PLXDC2: variants seen among roughly 807,000 people sequenced by gnomAD.
The protein encoded by PLXDC2 is plexin domain-containing protein 2.
In PLXDC2, 40 loss-of-function variants were observed where a neutral mutation model predicts 68.9. The observed-to-expected ratio is 0.58, with a 90% confidence interval of 0.45 to 0.76. PLXDC2 has a LOEUF of 0.76. Among genes scored for constraint, PLXDC2 ranks in the 30% least tolerant of loss-of-function variants. The probability of loss-of-function intolerance (pLI) is 0.00; values close to 1 mark genes in which losing one functional copy is unlikely to be tolerated. For synonymous variants in PLXDC2, 243 were observed against 234.2 expected, an observed-to-expected ratio of 1.04 and a Z score of -0.34; for missense variants, 644 against 661.9, an observed-to-expected ratio of 0.97 and a Z score of 0.30.
rs200694544 is a variant in PLXDC2 at position 20,206,189 on chromosome 10, AG to A, written c.1062-5479del. Among the ~76,000 whole-genome samples the A allele has an allele frequency of 3.9e-3, 593 of 152,280 alleles. 5 individuals are homozygous for A. The highest frequency in any genetic ancestry group is 0.014 in the African/African-American group (569 of 41,556). ...ATGCAATACAATCATTCAAAAAAAAAGAAAAATAACTTATCTAAGATCACAC... is the reference window on the plus strand; with the variant it reads ...ATGCAATACAATCATTCAAAAAAAAAAAAAATAACTTATCTAAGATCACAC... On this transcript the variant is annotated intron_variant, in intron 9 of 13. Coordinates refer to ENST00000377252, the MANE Select transcript of PLXDC2 (RefSeq NM_032812.9).
intron 4 of PLXDC2, among the ~76,000 whole-genome samples, chr10:20,072,411 G>GGAA (rs1564304607): frequency 9.4e-6 from 1 of 106,388 alleles, no homozygotes; most frequent in African/African-American, 5.5e-5. Flanking sequence ...AAGAAAGAAA[G>GGAA]AGGAAAGAAA....
At position 20,211,659 on chromosome 10, in the gene PLXDC2, T is replaced by C. The variant is rs552096898; in HGVS notation, c.1062-10T>C. ...TCCTTTTCTGAACTGCATTGTGGTC[T>C]TCTTTGAAGATGTTCCAGTGGATTT... is the stretch of plus-strand genomic sequence containing the variant. On this transcript the variant is annotated splice_polypyrimidine_tract_variant and intron_variant, in intron 9 of 13. Transcript: ENST00000377252. 10 of 1,612,968 alleles carry C rather than the reference T, an allele frequency of 6.2e-6. 1 individual carries two copies. In the South Asian group the frequency reaches 1.1e-4, roughly 18 times the overall value.
At chr10:19,981,926 C>A (rs1834557849) in intron 1 of PLXDC2, among the ~76,000 whole-genome samples, 1 of 152,212 alleles carries the variant, frequency 6.6e-6, no homozygotes, top group Non-Finnish European at 1.5e-5. Flanking sequence ...GAACCCTAAC[C>A]ATCCAGAAAC....
chr10:20,128,858 C>A (rs1186562746), intron 4 of PLXDC2, among the ~76,000 whole-genome samples: 2 of 152,130 alleles, frequency 1.3e-5, no homozygotes, highest in East Asian at 3.8e-4. Context: ...TGTACCTATA[C>A]CACATTTTCT....
chr10:19,985,586 C>T (rs1183594017), intron 1 of PLXDC2, among the ~76,000 whole-genome samples: 1 of 152,146 alleles, frequency 6.6e-6, no homozygotes, highest in East Asian at 1.9e-4. Flanking sequence ...TAAGTACTTA[C>T]TTTTCTTCTC....
At chr10:20,043,801 ATT>A (rs1362464904) in intron 2 of PLXDC2, among the ~76,000 whole-genome samples, 2 of 152,084 alleles carry the variant, frequency 1.3e-5, no homozygotes, top group African/African-American at 4.8e-5. Context: ...AATTAAATGA[ATT>A]ATTATTTTAC....
At chr10:20,201,049 T>A (rs1834910715) in intron 9 of PLXDC2, among the ~76,000 whole-genome samples, 1 of 151,918 alleles carries the variant, frequency 6.6e-6, no homozygotes, top group Non-Finnish European at 1.5e-5. Context: ...GGAAGGGAAA[T>A]CAGTATATTA....
intron 1 of PLXDC2, among the ~76,000 whole-genome samples, chr10:19,857,871 C>G (rs1247736237): frequency 2.0e-5 from 3 of 152,144 alleles, no homozygotes; most frequent in Non-Finnish European, 4.4e-5. Flanking sequence ...GCAATTGATT[C>G]ATCATCAAAA....
intron 9 of PLXDC2, among the ~76,000 whole-genome samples, chr10:20,210,871 G>A (rs967084776): frequency 5.3e-5 from 8 of 152,122 alleles, no homozygotes; most frequent in Admixed American, 1.3e-4. Flanking sequence ...GCTCACCCAA[G>A]CTTGGTCTCC....
At chr10:20,103,305 A>G (rs1833446624) in intron 4 of PLXDC2, among the ~76,000 whole-genome samples, 1 of 152,218 alleles carries the variant, frequency 6.6e-6, no homozygotes, top group African/African-American at 2.4e-5. Flanking sequence ...ATAATTTTTA[A>G]TACTGTTTTA....
At chr10:20,162,013 A>T (rs1377918613) in intron 6 of PLXDC2, among the ~76,000 whole-genome samples, 1 of 143,710 alleles carries the variant, frequency 7.0e-6, no homozygotes, top group Non-Finnish European at 1.5e-5. Flanking sequence ...CAAGAGTGAA[A>T]CTCTGTCAGA....
chr10:20,074,978 T>C lies in PLXDC2; in HGVS notation c.541+6739T>C, dbSNP rs1836414596. Among the ~76,000 whole-genome samples the C allele has an allele frequency of 2.6e-5, 4 of 152,262 alleles. No homozygotes were observed. In the South Asian group the frequency reaches 8.3e-4, roughly 32 times the overall value. Reference sequence around the variant, plus strand: ...TGAAAGTAAATTCATTCCAACTTGCTTCAATGATTTAAAGTTACAAACTCA... The same window carrying C: ...TGAAAGTAAATTCATTCCAACTTGCCTCAATGATTTAAAGTTACAAACTCA... On this transcript the variant is annotated intron_variant, in intron 4 of 13. Coordinates refer to ENST00000377252, the MANE Select transcript of PLXDC2 (RefSeq NM_032812.9).
chr10:20,163,988 A>G (rs1383352526), intron 6 of PLXDC2, among the ~76,000 whole-genome samples: 1 of 152,216 alleles, frequency 6.6e-6, no homozygotes, highest in East Asian at 1.9e-4. Flanking sequence ...TGTATATTTA[A>G]CAGTGCATTT....
At chr10:19,890,705 T>A (rs559118819) in intron 1 of PLXDC2, among the ~76,000 whole-genome samples, 52 of 74,832 alleles carry the variant, frequency 6.9e-4, no homozygotes, top group East Asian at 2.3e-3. Flanking sequence ...TTTTTTTTTT[T>A]AAATCAAGAA....
At chr10:19,924,703 G>A (rs1201000304) in intron 1 of PLXDC2, among the ~76,000 whole-genome samples, 1 of 152,174 alleles carries the variant, frequency 6.6e-6, no homozygotes, top group African/African-American at 2.4e-5. Flanking sequence ...CTGAAAAGAT[G>A]ACAGATACCT....
At chr10:20,241,925 G>A (rs1368009403) in intron 12 of PLXDC2, among the ~76,000 whole-genome samples, 2 of 152,118 alleles carry the variant, frequency 1.3e-5, no homozygotes, top group Non-Finnish European at 2.9e-5. Flanking sequence ...TCAGACACTG[G>A]ATGGGTGGAT....
intron 6 of PLXDC2, among the ~76,000 whole-genome samples, chr10:20,155,324 C>T (rs1046906571): frequency 6.6e-6 from 1 of 151,976 alleles, no homozygotes; most frequent in Non-Finnish European, 1.5e-5. Context: ...CAGAGAAGGC[C>T]AAAAAGAACA....
intron 9 of PLXDC2, among the ~76,000 whole-genome samples, chr10:20,180,111 C>T (rs899527257): frequency 2.6e-5 from 4 of 151,950 alleles, no homozygotes; most frequent in African/African-American, 9.7e-5. Context: ...AGAGGAAAAT[C>T]GAGCAAAGTC....
chr10:20,077,633 G>T (rs1466533352), intron 4 of PLXDC2, among the ~76,000 whole-genome samples: 1 of 152,028 alleles, frequency 6.6e-6, no homozygotes, highest in African/African-American at 2.4e-5. Context: ...CTTTTAATTG[G>T]CTTATTGTCA....
Sources: allele counts gnomAD v4.1 joint callset (sites outside exome capture counted in the v4.1 genomes callset), GRCh38; gene constraint gnomAD v4.1.1; transcripts MANE v1.5; gene names NCBI Gene and HGNC (gene_info 2026-07-23, HGNC 2026-07-21).